The following FMN1 variants were observed in gnomAD, a reference collection of about 807,000 sequenced individuals.
FMN1 encodes formin-1.
FMN1 carries 110 observed loss-of-function variants against 132.4 expected under a neutral mutation model. The observed-to-expected ratio is 0.83, with a 90% CI of 0.71 to 0.97. The LOEUF (loss-of-function observed/expected upper bound fraction) is 0.97, where lower values mean the gene tolerates loss of function less well. Among genes scored for constraint, FMN1 ranks in the 50% least tolerant of loss-of-function variants. FMN1 has a pLI of 0.00. For missense variants in FMN1, 1,792 were observed against 1,705.3 expected, an observed-to-expected ratio of 1.05 and a Z score of -0.90; for synonymous variants, 722 against 651.7, an observed-to-expected ratio of 1.11 and a Z score of -1.64.
At chr15:33,023,318 T>G (rs1476560876) in intron 6 of FMN1, among the ~76,000 whole-genome samples, 1 of 151,730 alleles carries the variant, frequency 6.6e-6, no homozygotes, top group African/African-American at 2.4e-5. Flanking sequence ...TTTCAAAACA[T>G]AAGAAGAAAC....
At chr15:32,889,897 T>C (rs908537040) in intron 15 of FMN1, among the ~76,000 whole-genome samples, 8 of 152,180 alleles carry the variant, frequency 5.3e-5, no homozygotes, top group African/African-American at 1.9e-4. Flanking sequence ...CTGCACCCTC[T>C]TTGTAGTATT....
rs527985968 is a variant in FMN1 at position 32,898,749 on chromosome 15, C to A, written c.3714+85G>T. 9.3e-6 allele frequency: 8 copies of A among 861,034 alleles called. No homozygotes were observed. The African/African-American group carries it at 1.3e-4, about 14-fold the overall frequency. 53.3% of individuals were successfully genotyped at this position (861,034 alleles called of 1,614,324 possible). A position where few individuals can be genotyped will look rare whatever the true frequency, so the allele number is the denominator to read the frequency against. On this transcript the variant is annotated intron_variant, in intron 15 of 20. Transcript: ENST00000616417. ...CATATTCTATGTTGGGCTTGCAGTT[C>A]GTTCATCCATCTATCCATCATCCAA...
intron 17 of FMN1, among the ~76,000 whole-genome samples, chr15:32,833,108 A>C (rs1460009920): frequency 6.6e-6 from 1 of 152,076 alleles, no homozygotes; most frequent in African/African-American, 2.4e-5. Flanking sequence ...CTGTTTATTA[A>C]ATGCCCACTG....
intron 5 of FMN1, chr15:33,066,485 A>G: frequency 8.9e-6 from 13 of 1,465,408 alleles, no homozygotes; most frequent in African/African-American, 1.4e-5. Context: ...ATTTTATGTT[A>G]AAATGCAAAA....
At chr15:33,039,147 A>T (rs766356475) in intron 6 of FMN1, among the ~76,000 whole-genome samples, 3 of 152,236 alleles carry the variant, frequency 2.0e-5, no homozygotes, top group Non-Finnish European at 4.4e-5. Context: ...TATCATAGTC[A>T]TTATCTGATT....
intron 19 of FMN1, among the ~76,000 whole-genome samples, chr15:32,794,187 C>T (rs982489555): frequency 6.6e-6 from 1 of 151,968 alleles, no homozygotes; most frequent in Non-Finnish European, 1.5e-5. Flanking sequence ...AAACAGCCCC[C>T]TCGCCCCCAA....
At chr15:33,096,754 C>T (rs2039100687) in intron 4 of FMN1, among the ~76,000 whole-genome samples, 2 of 152,094 alleles carry the variant, frequency 1.3e-5, no homozygotes, top group Non-Finnish European at 2.9e-5. Flanking sequence ...CCACATGCAC[C>T]ACCATGCCCA....
intron 6 of FMN1, among the ~76,000 whole-genome samples, chr15:33,010,672 A>G (rs993007728): frequency 1.3e-5 from 2 of 152,180 alleles, no homozygotes; most frequent in Non-Finnish European, 2.9e-5. Flanking sequence ...TCATACATCT[A>G]GAAAAATCTA....
chr15:33,071,557 C>G (rs2141279600), intron 5 of FMN1, among the ~76,000 whole-genome samples: 1 of 152,302 alleles, frequency 6.6e-6, no homozygotes, highest in Middle Eastern at 3.4e-3. Context: ...AGAGGAGACT[C>G]TTGTTTACAG....
chr15:32,785,560 CTAAA>C (rs1035650430), intron 19 of FMN1, among the ~76,000 whole-genome samples: 5 of 151,904 alleles, frequency 3.3e-5, no homozygotes, highest in African/African-American at 1.2e-4. Flanking sequence ...AGAAATTCTC[CTAAA>C]TAATATGATT....
intron 4 of FMN1, among the ~76,000 whole-genome samples, chr15:33,112,002 GTTGT>G (rs1453066789): frequency 6.6e-6 from 1 of 152,040 alleles, no homozygotes; most frequent in Non-Finnish European, 1.5e-5. Flanking sequence ...ATATGAATTG[GTTGT>G]ATCACATTTT....
At chr15:33,086,435 CTA>C (rs1319803550) in intron 5 of FMN1, among the ~76,000 whole-genome samples, 2 of 151,214 alleles carry the variant, frequency 1.3e-5, no homozygotes, top group African/African-American at 2.4e-5. Context: ...TTCACTGTAA[CTA>C]TGTATTTCAA....
intron 9 of FMN1, among the ~76,000 whole-genome samples, chr15:32,940,679 C>T (rs951718413): frequency 2.0e-5 from 3 of 151,876 alleles, no homozygotes; most frequent in South Asian, 2.1e-4. Flanking sequence ...CCTTTTTTTC[C>T]GAAACAAAAA....
At chr15:33,000,796 T>G (rs567985638) in intron 7 of FMN1, among the ~76,000 whole-genome samples, 1 of 152,338 alleles carries the variant, frequency 6.6e-6, no homozygotes, top group South Asian at 2.1e-4. Context: ...TTCTTCCCTG[T>G]ACGTGGTAAA....
rs61732708 is a variant in FMN1, at chr15:32,969,239, T to C, written c.2462A>G (p.Lys821Arg). 5.4e-3 allele frequency: 8,741 copies of C among 1,613,898 alleles called. 258 individuals are homozygous for C. In the African/African-American group the frequency reaches 0.077, roughly 14 times the overall value. ...TACTAATTGATTACTTCTGGTTGTC[T>C]TGCTTTCACTTTCACAGGGCTTGAG... is the stretch of plus-strand genomic sequence containing the variant. ...TFLKPCESES[K>R]TTRSNQLVPK... Residue 821 changes from lysine to arginine, a missense_variant, in exon 8 of 21, where the codon AAG becomes AGG. Physicochemically the swap from Lys to Arg is conservative, Grantham distance 26. This residue lies in a region of FMN1 where 1,150 missense variants were observed against 1,043.1 expected (regional missense o/e 1.10). Transcript: ENST00000616417.
chr15:32,832,520 C>G (rs1236345604), intron 17 of FMN1, among the ~76,000 whole-genome samples: 1 of 152,104 alleles, frequency 6.6e-6, no homozygotes, highest in South Asian at 2.1e-4. Context: ...TGGCTCACAC[C>G]TGTAATCCCA....
At chr15:32,873,948 C>T (rs2059577772) in intron 16 of FMN1, among the ~76,000 whole-genome samples, 1 of 151,346 alleles carries the variant, frequency 6.6e-6, no homozygotes, top group South Asian at 2.1e-4. Context: ...AGATTAGCCG[C>T]CTTTTTATTT....
chr15:32,836,190 TGTGC>T (rs2141186848), intron 17 of FMN1, among the ~76,000 whole-genome samples: 1 of 152,232 alleles, frequency 6.6e-6, no homozygotes, highest in East Asian at 1.9e-4. Flanking sequence ...CTAGCAGCCT[TGTGC>T]TTTTAGGAAG....
At chr15:32,963,355 G>C (rs1271191501) in intron 9 of FMN1, among the ~76,000 whole-genome samples, 1 of 138,652 alleles carries the variant, frequency 7.2e-6, no homozygotes, top group Non-Finnish European at 1.6e-5. Flanking sequence ...GGGTCGGGGG[G>C]GTGGGGGGAG....
Sources: gnomAD v4.1 joint callset for allele counts (sites outside exome capture counted in the v4.1 genomes callset) on GRCh38, gnomAD v4.1.1 for gene constraint, gnomAD v4.1.1 regional missense constraint, MANE v1.5 for transcripts, NCBI Gene and HGNC (gene_info 2026-07-23, HGNC 2026-07-21) for gene names.